The following EYS variants were observed in gnomAD, a reference collection of about 807,000 sequenced individuals.
The protein encoded by EYS is EGF-like photoreceptor maintenance factor.
Under a neutral mutation model 282.1 loss-of-function variants are expected in EYS, and 250 were observed. The observed-to-expected ratio is 0.89, with a 90% confidence interval of 0.80 to 0.98. The LOEUF (loss-of-function observed/expected upper bound fraction) is 0.98. EYS is among the 50% of genes least tolerant of loss of function. The pLI, the probability that EYS is intolerant of heterozygous loss-of-function variation, is 0.00. For synonymous variants in EYS, 1,355 were observed against 1,282.9 expected (o/e 1.06, Z -1.20); for missense variants, 4,016 against 3,709.0 (o/e 1.08, Z -2.15).
At chr6:63,927,509 G>T (rs1022189293) in intron 35 of EYS, among the ~76,000 whole-genome samples, 3 of 152,190 alleles carry the variant, frequency 2.0e-5, no homozygotes, top group Non-Finnish European at 4.4e-5. Context: ...CACTCGAATT[G>T]AGATGGATGT....
chr6:64,376,122 C>A (rs1772555906), intron 29 of EYS, among the ~76,000 whole-genome samples: 1 of 152,088 alleles, frequency 6.6e-6, no homozygotes, highest in Admixed American at 6.5e-5. Flanking sequence ...TGGAAGAGGA[C>A]AGAAGACAAA....
chr6:64,392,992 A>T (rs1043934092), intron 28 of EYS, among the ~76,000 whole-genome samples: 70 of 152,346 alleles, frequency 4.6e-4, no homozygotes, highest in African/African-American at 1.5e-3. Context: ...AGAGAATACT[A>T]CAAACACCTC....
intron 10 of EYS, among the ~76,000 whole-genome samples, 175 bp downstream of exon 10, chr6:65,343,863 T>C (rs931141945): frequency 3.3e-5 from 5 of 151,526 alleles, no homozygotes; most frequent in African/African-American, 1.2e-4. Flanking sequence ...ATGACGTAAA[T>C]ATAAATTTCC....
chr6:64,493,129 ATTTC>A (rs1201643937), intron 26 of EYS, among the ~76,000 whole-genome samples: 2 of 151,484 alleles, frequency 1.3e-5, no homozygotes, highest in African/African-American at 2.4e-5. Context: ...TAGGAGAGGC[ATTTC>A]TTTCTTTTCA....
chr6:64,133,634 A>G (rs1245511863), intron 31 of EYS, among the ~76,000 whole-genome samples: 7 of 151,950 alleles, frequency 4.6e-5, no homozygotes, highest in Admixed American at 1.3e-4. Flanking sequence ...TTTTCTCCAT[A>G]TCTTGTATTT....
Position 63,895,905 on chromosome 6 carries a change from G to GTT in EYS, c.7056-31549_7056-31548dup, listed in dbSNP as rs10705427. ...TATTTAATCGTTGAGATCATGATTT[G>GTT]TTTTTTTTTTTTTTTTTTTTTTTTT... On this transcript the variant is annotated intron_variant, in intron 35 of 42. Coordinates refer to ENST00000503581, the MANE Select transcript of EYS (RefSeq NM_001142800.2). 2.0e-3 allele frequency among the ~76,000 whole-genome samples: 251 copies of GTT among 124,284 alleles called. 21 individuals are homozygous for GTT. Among genetic ancestry groups the GTT allele is most frequent in the African/African-American group, 6.8e-3 (213 of 31,520 alleles). 81.5% of individuals were successfully genotyped at this position (124,284 alleles called of 152,430 possible).
intron 29 of EYS, among the ~76,000 whole-genome samples, chr6:64,320,475 T>C (rs1028844540): frequency 2.0e-5 from 3 of 151,882 alleles, no homozygotes; most frequent in East Asian, 1.9e-4. Context: ...TAAACAAACA[T>C]AGTTGAGGTA....
At chr6:65,159,029 T>C (rs528641354) in intron 12 of EYS, among the ~76,000 whole-genome samples, 129 of 151,024 alleles carry the variant, frequency 8.5e-4, no homozygotes, top group African/African-American at 2.9e-3. Context: ...AGTGAGAACA[T>C]GCCACAATAT....
chr6:65,246,711 C>A (rs535427729), intron 12 of EYS, among the ~76,000 whole-genome samples: 37 of 152,062 alleles, frequency 2.4e-4, no homozygotes, highest in Non-Finnish European at 4.4e-4. Flanking sequence ...ATTGGAAATA[C>A]ACACACACAT....
At chr6:64,815,870 T>C (rs943018165) in intron 21 of EYS, among the ~76,000 whole-genome samples, 7 of 152,006 alleles carry the variant, frequency 4.6e-5, no homozygotes, top group African/African-American at 1.4e-4. Context: ...GGCAGTGATA[T>C]ATTCATTGTG....
chr6:65,703,895 C>T (rs1582621721), intron 1 of EYS, among the ~76,000 whole-genome samples: 1 of 152,192 alleles, frequency 6.6e-6, no homozygotes, highest in East Asian at 1.9e-4. Context: ...AAAGTCACTT[C>T]AAAGATGCTG....
intron 35 of EYS, among the ~76,000 whole-genome samples, chr6:63,971,755 T>C (rs1252276775): frequency 6.6e-6 from 1 of 152,246 alleles, no homozygotes; most frequent in East Asian, 1.9e-4. Flanking sequence ...AGCCAGATGA[T>C]GTCCTACCTC....
At chr6:64,992,240 T>C (rs1254935111) in intron 14 of EYS, among the ~76,000 whole-genome samples, 1 of 151,854 alleles carries the variant, frequency 6.6e-6, no homozygotes, top group East Asian at 1.9e-4. Flanking sequence ...ATAAAATAAA[T>C]TGGTATATAG....
chr6:64,574,762 A>G (rs2149819963), intron 26 of EYS, among the ~76,000 whole-genome samples: 1 of 152,330 alleles, frequency 6.6e-6, no homozygotes, highest in Non-Finnish European at 1.5e-5. Flanking sequence ...ACATTTCTTC[A>G]GCCAGTTGAT....
intron 35 of EYS, among the ~76,000 whole-genome samples, chr6:63,934,342 G>A (rs1267358013): frequency 4.6e-5 from 7 of 152,086 alleles, no homozygotes; most frequent in African/African-American, 1.7e-4. Flanking sequence ...TCAGTGTGGC[G>A]ATTCCTCAGG....
At chr6:65,047,716 C>A (rs1773143916) in intron 13 of EYS, among the ~76,000 whole-genome samples, 1 of 151,858 alleles carries the variant, frequency 6.6e-6, no homozygotes, top group African/African-American at 2.4e-5. Context: ...AGAGATGATG[C>A]AATTGAACTC....
chr6:65,107,382 T>C (rs1775070925), intron 12 of EYS, among the ~76,000 whole-genome samples: 1 of 137,544 alleles, frequency 7.3e-6, no homozygotes. Flanking sequence ...ATATTAATGT[T>C]ATTGTTATAT....
At chr6:64,555,857 C>A (rs558243101) in intron 26 of EYS, among the ~76,000 whole-genome samples, 1 of 151,942 alleles carries the variant, frequency 6.6e-6, no homozygotes, top group Admixed American at 6.6e-5. Flanking sequence ...ATACTGTACA[C>A]ACCACAAGGA....
Position 64,737,794 on chromosome 6 carries a change from A to T in EYS, c.3443+75584T>A, listed in dbSNP as rs114017929. Among the ~76,000 whole-genome samples the T allele has an allele frequency of 9.8e-4, 149 of 152,298 alleles. 1 individual carries two copies. The highest frequency in any genetic ancestry group is 3.3e-3 in the African/African-American group (136 of 41,566). On this transcript the variant is annotated intron_variant, in intron 22 of 42. Coordinates refer to ENST00000503581, the MANE Select transcript of EYS (RefSeq NM_001142800.2). ...ACAAAGTCAGAGTGTTGCATGAACC[A>T]TCGAGTAACTGTGATAAGGAAAGGG...
Sources: allele counts gnomAD v4.1 joint callset (sites outside exome capture counted in the v4.1 genomes callset), GRCh38; gene constraint gnomAD v4.1.1; transcripts MANE v1.5; gene names NCBI Gene and HGNC (gene_info 2026-07-23, HGNC 2026-07-21).